VCAN: variants seen among roughly 807,000 people sequenced by gnomAD.
The protein encoded by VCAN is versican.
A neutral mutation model predicts 245.5 loss-of-function variants in VCAN; 44 were observed. The ratio of observed to expected loss-of-function variants is 0.18; its 90% confidence interval spans 0.14 to 0.23. The LOEUF (loss-of-function observed/expected upper bound fraction) is 0.23. Among genes scored for constraint, VCAN ranks in the 10% least tolerant of loss-of-function variants. VCAN has a pLI of 1.00. For synonymous variants in VCAN, 1,413 were observed against 1,437.0 expected (o/e 0.98, Z 0.38); for missense variants, 3,793 against 4,057.9 (o/e 0.93, Z 1.77).
intron 5 of VCAN, among the ~76,000 whole-genome samples, chr5:83,509,937 G>A (rs563150876): frequency 2.6e-5 from 4 of 152,178 alleles, no homozygotes; most frequent in Admixed American, 2.6e-4. Flanking sequence ...GGAAGGATAG[G>A]GGGAAAAAAG....
At chr5:83,530,701 G>C (rs1746484297) in intron 7 of VCAN, among the ~76,000 whole-genome samples, 1 of 152,144 alleles carries the variant, frequency 6.6e-6, no homozygotes, top group Admixed American at 6.6e-5. Flanking sequence ...AAGTGGCTTT[G>C]TTAAGCGAAT....
At chr5:83,575,780 A>T (rs1163775378) in intron 13 of VCAN, among the ~76,000 whole-genome samples, 1 of 152,168 alleles carries the variant, frequency 6.6e-6, no homozygotes. Context: ...GCCCTATACC[A>T]AAAAAGATTC....
At chr5:83,481,244 CTTTT>C (rs202012593) in intron 1 of VCAN, among the ~76,000 whole-genome samples, 2 of 132,508 alleles carry the variant, frequency 1.5e-5, no homozygotes, top group Non-Finnish European at 1.6e-5. Flanking sequence ...TCTTTAATTT[CTTTT>C]TTTTTTTTTT....
In VCAN at chr5:83,554,959, T is replaced by A. The variant is rs776486778; in HGVS notation, c.9656T>A (p.Val3219Glu). 6.2e-6 allele frequency: 10 copies of A among 1,613,504 alleles called. No homozygotes were observed. Among genetic ancestry groups the A allele is most frequent in the Non-Finnish European group, 8.5e-6 (10 of 1,179,642 alleles). Residue 3219 changes from valine to glutamate, a missense_variant, in exon 12 of 15, where the codon GTG (valine) becomes GAG (glutamate). Physicochemically the swap from Val to Glu is moderately radical, Grantham distance 121. This residue lies in a region of VCAN where 205 missense variants were observed against 321.1 expected (regional missense o/e 0.64). Transcript: ENST00000265077. ...TGTGTGGTTTCCTATCCCTTAGGTG[T>A]GGGCCATGATTATCAGTGGATAGGC... Reference protein sequence around the residue: ...SHEEQMFVNRVGHDYQWIGLN... With the variant: ...SHEEQMFVNREGHDYQWIGLN...
chr5:83,508,290 T>A (rs945102205), intron 5 of VCAN, among the ~76,000 whole-genome samples: 1 of 152,278 alleles, frequency 6.6e-6, no homozygotes, highest in Middle Eastern at 3.4e-3. Flanking sequence ...ATGTGTGTTG[T>A]AAGTTAATTG....
At chr5:83,556,870 G>A (rs1747688484) in intron 12 of VCAN, among the ~76,000 whole-genome samples, 1 of 151,978 alleles carries the variant, frequency 6.6e-6, no homozygotes, top group Non-Finnish European at 1.5e-5. Flanking sequence ...TGCATTTAAT[G>A]AGTTTTCCTT....
intron 5 of VCAN, among the ~76,000 whole-genome samples, chr5:83,508,794 G>A (rs1745557996): frequency 1.3e-5 from 2 of 152,042 alleles, no homozygotes; most frequent in African/African-American, 4.8e-5. Flanking sequence ...CAATGGTAAT[G>A]TTTCTTGCAA....
chr5:83,570,194 C>A lies in VCAN; in HGVS notation c.9736-2222C>A, dbSNP rs532248206. On this transcript the variant is annotated intron_variant, in intron 12 of 14. Transcript: ENST00000265077. ...TAACACAGTGGGGCCATTTAGGCTACGAGTTGGATTTAAATTTGCCTCACT... is the reference window on the plus strand; with the variant it reads ...TAACACAGTGGGGCCATTTAGGCTAAGAGTTGGATTTAAATTTGCCTCACT... 1.1e-4 allele frequency among the ~76,000 whole-genome samples: 16 copies of A among 152,014 alleles called. No homozygotes were observed. The South Asian group carries it at 2.1e-3, about 20-fold the overall frequency.
intron 7 of VCAN, chr5:83,535,618 T>G (rs1449613477): frequency 1.3e-5 from 2 of 152,138 alleles, no homozygotes; most frequent in East Asian, 3.8e-4. Context: ...TCTTCTCTGA[T>G]GAAACAGCAA....
At chr5:83,559,035 G>A (rs1358555826) in intron 12 of VCAN, among the ~76,000 whole-genome samples, 2 of 152,000 alleles carry the variant, frequency 1.3e-5, no homozygotes, top group African/African-American at 2.4e-5. Context: ...TTAACTTGAC[G>A]ATTGTTCTCT....
At chr5:83,488,955 T>C (rs1416669359) in intron 2 of VCAN, among the ~76,000 whole-genome samples, 2 of 152,216 alleles carry the variant, frequency 1.3e-5, no homozygotes, top group African/African-American at 2.4e-5. Flanking sequence ...TATATCTCCA[T>C]AGTATCTTCT....
rs1361751061 is a variant in VCAN at position 83,537,386 on chromosome 5, G to A, written c.4383G>A (p.Leu1461=). 6.2e-7 allele frequency: 1 copy of A among 1,613,950 alleles called. No homozygotes were observed. Among genetic ancestry groups the A allele is most frequent in the Non-Finnish European group, 8.5e-7 (1 of 1,179,934 alleles). The part of the protein sequence containing the change: ...THPFVIAKTE[L]STAVQPNEST... The stretch of plus-strand genomic sequence containing the variant: ...CATTTGTAATAGCCAAAACGGAATT[G>A]TCTACTGCTGTGCAACCTAATGAAT... The change falls in exon 8 of 15, where the codon TTG becomes TTA. Residue 1461 remains leucine, a synonymous_variant. Transcript: ENST00000265077.
In VCAN at chr5:83,541,350, G is replaced by T; in HGVS notation, c.8347G>T (p.Ala2783Ser). Residue 2783 changes from alanine to serine, a missense_variant, in exon 8 of 15, where the codon GCT becomes TCT. Around this residue, in one of 5 missense-constraint regions of VCAN, gnomAD observed 3,182 missense variants for 3,250.3 expected, o/e 0.98. Coordinates refer to ENST00000265077, the MANE Select transcript of VCAN (RefSeq NM_004385.5). Reference sequence around the variant, plus strand: ...AGACCATACTCCCTATCTAAGTATTGCTACTACCCACCTTATGGATCAGAG... The same window carrying T: ...AGACCATACTCCCTATCTAAGTATTTCTACTACCCACCTTATGGATCAGAG... ...LVDHTPYLSI[A>S]TTHLMDQSVT... 2 of 1,614,024 alleles carry T rather than the reference G, an allele frequency of 1.2e-6. No homozygotes were observed. Among genetic ancestry groups the T allele is most frequent in the Non-Finnish European group, 8.5e-7 (1 of 1,179,984 alleles).
chr5:83,540,986 C>G lies in VCAN; in HGVS notation c.7983C>G (p.Ser2661Arg), dbSNP rs1387105957. The G allele has an allele frequency of 3.1e-6, 5 of 1,613,940 alleles. No homozygotes were observed. Among genetic ancestry groups the G allele is most frequent in the Non-Finnish European group, 4.2e-6 (5 of 1,179,988 alleles). ...HDESMTYEDR[S>R]QLDHMGFHFT... Reference sequence around the variant, plus strand: ...AATCAATGACTTATGAAGATAGAAGCCAACTAGATCACATGGGCTTTCACT... The same window carrying G: ...AATCAATGACTTATGAAGATAGAAGGCAACTAGATCACATGGGCTTTCACT... The change falls in exon 8 of 15, where the codon AGC (serine) becomes AGG (arginine). Residue 2661 changes from serine (S) to arginine (R), a missense_variant. Physicochemically the swap from Ser to Arg is moderately radical, Grantham distance 110 (BLOSUM62 -1). This residue lies in a region of VCAN where 3,182 missense variants were observed against 3,250.3 expected (regional missense o/e 0.98). Transcript: ENST00000265077.
chr5:83,519,515 T>C lies in VCAN; in HGVS notation c.1209T>C (p.Ser403=), dbSNP rs750869948. The C allele has an allele frequency of 3.1e-6, 5 of 1,614,086 alleles. No homozygotes were observed. The highest frequency in any genetic ancestry group is 3.4e-6 in the Non-Finnish European group (4 of 1,179,976). The change falls in exon 7 of 15, where the codon AGT becomes AGC. Residue 403 remains serine (S), a synonymous_variant. Transcript: ENST00000265077. ...TCCCTCCCGTGGGAAATATTGTCAGTTTTGAACAGAAAGCCACAGTCCAAC... is the reference window on the plus strand; with the variant it reads ...TCCCTCCCGTGGGAAATATTGTCAGCTTTGAACAGAAAGCCACAGTCCAAC... ...TEFPPVGNIV[S]FEQKATVQPQ... is the part of the protein sequence containing the mutation.
chr5:83,533,308 T>C (rs1746591285), intron 7 of VCAN, among the ~76,000 whole-genome samples: 1 of 152,146 alleles, frequency 6.6e-6, no homozygotes, highest in Non-Finnish European at 1.5e-5. Flanking sequence ...ATTTAATGAT[T>C]AGTACATTTG....
In VCAN at chr5:83,540,264, C is replaced by T; in HGVS notation, c.7261C>T (p.Pro2421Ser). The T allele has an allele frequency of 1.2e-6, 2 of 1,614,072 alleles. No individual in the cohort carries two copies. Among genetic ancestry groups the T allele is most frequent in the Non-Finnish European group, 1.7e-6 (2 of 1,179,974 alleles). The change falls in exon 8 of 15, where the codon CCA becomes TCA. Residue 2421 changes from proline to serine, a missense_variant. This residue lies in a region of VCAN where 3,182 missense variants were observed against 3,250.3 expected (regional missense o/e 0.98). Transcript: ENST00000265077. ...AKEFVTSAPKPSDLYYEPSGE... is the reference protein window; with the variant it reads ...AKEFVTSAPKSSDLYYEPSGE... ...AGAATTTGTTACATCAGCACCAAAA[C>T]CATCTGACTTGTATTATGAACCTTC...
At chr5:83,542,792 G>T (rs1037840896) in intron 8 of VCAN, among the ~76,000 whole-genome samples, 1 of 152,150 alleles carries the variant, frequency 6.6e-6, no homozygotes, top group Non-Finnish European at 1.5e-5. Flanking sequence ...CAATGTCCTT[G>T]TTTAAGACAG....
chr5:83,511,115 C>T (rs1331283665), intron 5 of VCAN, among the ~76,000 whole-genome samples: 1 of 151,306 alleles, frequency 6.6e-6, no homozygotes, highest in East Asian at 2.0e-4. Flanking sequence ...ATCTGGGGCC[C>T]GAGTGAGTGG....
Sources: gnomAD v4.1 joint callset for allele counts (sites outside exome capture counted in the v4.1 genomes callset) on GRCh38, gnomAD v4.1.1 for gene constraint, gnomAD v4.1.1 regional missense constraint, MANE v1.5 for transcripts, NCBI Gene and HGNC (gene_info 2026-07-23, HGNC 2026-07-21) for gene names.